BTBD7: variants seen among roughly 807,000 people sequenced by gnomAD.
BTBD7 encodes the protein BTB domain containing 7, also known as BTB/POZ domain-containing protein 7.
BTBD7 carries 38 observed loss-of-function variants against 99.9 expected under a neutral mutation model. The observed-to-expected ratio is 0.38, with a 90% CI of 0.29 to 0.50. BTBD7 has a LOEUF of 0.50. Among genes scored for constraint, BTBD7 ranks in the 20% least tolerant of loss-of-function variants. The pLI is 0.93. For synonymous variants in BTBD7, 520 were observed against 511.4 expected (o/e 1.02, Z -0.23); for missense variants, 1,170 against 1,394.6 (o/e 0.84, Z 2.57).
chr14:93,282,807 AT>A (rs1423121996), intron 3 of BTBD7, among the ~76,000 whole-genome samples: 1 of 152,070 alleles, frequency 6.6e-6, no homozygotes, highest in Non-Finnish European at 1.5e-5. Flanking sequence ...CTTAGACTCC[AT>A]TCATTTTGTA....
intron 1 of BTBD7, among the ~76,000 whole-genome samples, chr14:93,305,111 C>G (rs1446611201): frequency 6.6e-6 from 1 of 152,176 alleles, no homozygotes; most frequent in Non-Finnish European, 1.5e-5. Context: ...GAGGTAATTA[C>G]ATAGTAAAAT....
chr14:93,257,125 T>C, intron 6 of BTBD7, 70 bp downstream of exon 6: 1 of 1,478,842 alleles, frequency 6.8e-7, no homozygotes, highest in Admixed American at 1.8e-5. Flanking sequence ...AGAAATTATT[T>C]ACAATGAATA....
intron 3 of BTBD7, among the ~76,000 whole-genome samples, chr14:93,272,371 G>A (rs1398104830): frequency 6.6e-6 from 1 of 152,142 alleles, no homozygotes; most frequent in Non-Finnish European, 1.5e-5. Flanking sequence ...CTGGAAATTG[G>A]GGAGAAATGT....
intron 3 of BTBD7, among the ~76,000 whole-genome samples, chr14:93,280,824 G>C (rs2052710193): frequency 6.6e-6 from 1 of 150,844 alleles, no homozygotes; most frequent in South Asian, 2.1e-4. Context: ...TCGGTCCTTT[G>C]AAGGTATTAT....
chr14:93,248,034 G>C (rs927017824), intron 9 of BTBD7, among the ~76,000 whole-genome samples: 1 of 152,298 alleles, frequency 6.6e-6, no homozygotes, highest in South Asian at 2.1e-4. Flanking sequence ...AGAGAGCAGT[G>C]GAAGTTCAGA....
At chr14:93,278,672 G>A (rs2052682894) in intron 3 of BTBD7, among the ~76,000 whole-genome samples, 1 of 152,192 alleles carries the variant, frequency 6.6e-6, no homozygotes, top group Non-Finnish European at 1.5e-5. Flanking sequence ...AAAAAGTAGA[G>A]TGGAAGTACG....
chr14:93,264,020 A>C, intron 3 of BTBD7, 27 bp from the exon 4 acceptor site: 1 of 1,579,742 alleles, frequency 6.3e-7, no homozygotes, highest in Non-Finnish European at 8.7e-7. Context: ...ATACTTCTTG[A>C]GATTAATCAT....
intron 6 of BTBD7, chr14:93,256,771 A>C (rs2052435135): frequency 6.4e-6 from 1 of 155,868 alleles, no homozygotes; most frequent in Non-Finnish European, 1.4e-5. Context: ...GAAAGTAACA[A>C]GATGAGCTCT....
At chr14:93,326,537 C>A (rs1031623342) in intron 1 of BTBD7, among the ~76,000 whole-genome samples, 1 of 152,192 alleles carries the variant, frequency 6.6e-6, no homozygotes, top group Non-Finnish European at 1.5e-5. Context: ...CATGGTAGCT[C>A]ACGCCTATAA....
intron 3 of BTBD7, among the ~76,000 whole-genome samples, chr14:93,264,898 A>C (rs2052525250): frequency 1.3e-5 from 2 of 152,130 alleles, no homozygotes; most frequent in Non-Finnish European, 2.9e-5. Context: ...GTCAGGAGTT[A>C]AGACCAGTCT....
At chr14:93,281,459 G>C (rs961627948) in intron 3 of BTBD7, among the ~76,000 whole-genome samples, 8 of 152,176 alleles carry the variant, frequency 5.3e-5, no homozygotes, top group African/African-American at 1.9e-4. Flanking sequence ...TTTGTTGACA[G>C]TAGTTATCAC....
At chr14:93,315,271 T>C (rs887382097) in intron 1 of BTBD7, among the ~76,000 whole-genome samples, 5 of 152,132 alleles carry the variant, frequency 3.3e-5, no homozygotes, top group Admixed American at 6.6e-5. Context: ...CAGTTATTAT[T>C]GTTTCAAGTC....
At chr14:93,322,545 A>G (rs17129006) in intron 1 of BTBD7, among the ~76,000 whole-genome samples, 25,703 of 152,202 alleles carry the variant, frequency 0.17, 2,392 homozygotes, top group East Asian at 0.31. Flanking sequence ...AAAAATACAG[A>G]AGAGAGATCT....
chr14:93,308,287 C>T (rs1166064868), intron 1 of BTBD7, among the ~76,000 whole-genome samples: 1 of 74,946 alleles, frequency 1.3e-5, no homozygotes, highest in South Asian at 4.6e-4. Context: ...ACTCGGTCTC[C>T]AAAAAAAAAA....
chr14:93,312,908 T>C (rs2053155424), intron 1 of BTBD7, among the ~76,000 whole-genome samples: 1 of 152,120 alleles, frequency 6.6e-6, no homozygotes, highest in South Asian at 2.1e-4. Flanking sequence ...CTTCGGCCTC[T>C]TGAACCTAAT....
rs895075761 is a variant in BTBD7 at position 93,263,679 on chromosome 14, T to A, written c.1371+106A>T. The A allele has an allele frequency of 4.5e-6, 5 of 1,104,998 alleles. No homozygotes were observed. The African/African-American group carries it at 7.8e-5, about 17-fold the overall frequency. 68.4% of individuals were successfully genotyped at this position (1,104,998 alleles called of 1,614,324 possible). On this transcript the variant is annotated intron_variant, in intron 4 of 10. Transcript: ENST00000334746. The stretch of plus-strand genomic sequence containing the variant: ...AGTCCTGGGTGGTTTGATCACAGCC[T>A]GTTTCTCTTCCCCTGCCCTACCCTA...
In BTBD7 at chr14:93,331,895, G is replaced by A. The variant is rs1016879512; in HGVS notation, c.-107+925C>T. On this transcript the variant is annotated intron_variant, in intron 1 of 10. Transcript: ENST00000334746. ...GACTCCGTCTCCCCCCCCCCAAAAA[G>A]GTTGTTAGTTGAAAAAGCTAAGTAA... 3.6e-3 allele frequency among the ~76,000 whole-genome samples: 448 copies of A among 122,962 alleles called. 1 individual carries two copies. The highest frequency in any genetic ancestry group is 0.018 in the African/African-American group (415 of 23,714). The allele number at this position is 122,962 out of a possible 152,430, so 80.7% of individuals were successfully genotyped here.
In BTBD7 at chr14:93,246,036, C is replaced by T. The variant is rs775258347; in HGVS notation, c.2372G>A (p.Arg791His). Reference sequence around the variant, plus strand: ...ATGATTACAGGGATAAGAAAATGAACGTGAAGGGTGCTGACTGGGAGGTCT... The same window carrying T: ...ATGATTACAGGGATAAGAAAATGAATGTGAAGGGTGCTGACTGGGAGGTCT... ...KQRPPSQHPS[R>H]SFSYPCNHSL... is the part of the protein sequence containing the mutation. The change falls in exon 10 of 11, where the codon CGT (arginine) becomes CAT (histidine). Residue 791 changes from arginine (R) to histidine (H), a missense_variant. Physicochemically the swap from Arg to His is conservative, Grantham distance 29. This residue lies in a region of BTBD7 where 495 missense variants were observed against 525.9 expected (regional missense o/e 0.94). Coordinates refer to ENST00000334746, the MANE Select transcript of BTBD7 (RefSeq NM_001002860.4). 45 of 1,608,598 alleles carry T rather than the reference C, an allele frequency of 2.8e-5. No homozygotes were observed. The highest frequency in any genetic ancestry group is 6.8e-5 in the African/African-American group (5 of 73,398).
At chr14:93,326,769 G>C (rs1281425468) in intron 1 of BTBD7, among the ~76,000 whole-genome samples, 1 of 149,192 alleles carries the variant, frequency 6.7e-6, no homozygotes, top group African/African-American at 2.5e-5. Flanking sequence ...ACGCCATTGC[G>C]CTCCAGCCTG....
Sources: allele counts gnomAD v4.1 joint callset (sites outside exome capture counted in the v4.1 genomes callset), GRCh38; gene constraint gnomAD v4.1.1; regional missense constraint gnomAD v4.1.1; transcripts MANE v1.5; gene names NCBI Gene and HGNC (gene_info 2026-07-23, HGNC 2026-07-21).